Variants in USP13 observed in about 807,000 individuals in gnomAD.
USP13 encodes ubiquitin specific peptidase 13, also known as ubiquitin carboxyl-terminal hydrolase 13.
A neutral mutation model predicts 107.8 loss-of-function variants in USP13; 68 were observed. The ratio of observed to expected loss-of-function variants is 0.63; its 90% CI spans 0.52 to 0.77. USP13 has a LOEUF of 0.77. USP13 is among the 30% of genes least tolerant of loss of function. USP13 has a pLI of 0.00. For missense variants in USP13, 945 were observed against 1,093.3 expected (o/e 0.86, Z 1.91); for synonymous variants, 377 against 389.5 (o/e 0.97, Z 0.38).
intron 4 of USP13, among the ~76,000 whole-genome samples, chr3:179,701,743 T>C (rs1268232025): frequency 6.6e-6 from 1 of 152,196 alleles, no homozygotes; most frequent in Non-Finnish European, 1.5e-5. Flanking sequence ...AGCTGTGAGC[T>C]TCCCCCTTCC....
chr3:179,702,427 T>A (rs1295807495), intron 4 of USP13, among the ~76,000 whole-genome samples: 2 of 152,208 alleles, frequency 1.3e-5, no homozygotes, highest in African/African-American at 4.8e-5. Flanking sequence ...ACATGCCTGT[T>A]CATTTTTTCC....
At chr3:179,740,419 G>C (rs1007517996) in intron 11 of USP13, 47 bp downstream of exon 11, 1 of 1,612,128 alleles carries the variant, frequency 6.2e-7, no homozygotes, top group Non-Finnish European at 8.5e-7. Flanking sequence ...GTAAGAGGGT[G>C]CCGAGCCACT....
intron 6 of USP13, among the ~76,000 whole-genome samples, chr3:179,716,498 G>T (rs769257368): frequency 6.6e-6 from 1 of 152,124 alleles, no homozygotes; most frequent in Admixed American, 6.5e-5. Flanking sequence ...ACATGTATTT[G>T]GTATTTAGTT....
intron 6 of USP13, among the ~76,000 whole-genome samples, chr3:179,717,111 C>T (rs1560060218): frequency 6.6e-6 from 1 of 152,098 alleles, no homozygotes; most frequent in African/African-American, 2.4e-5. Flanking sequence ...AGCTGGGGAG[C>T]GTGATGGATA....
intron 6 of USP13, 75 bp downstream of exon 6, chr3:179,709,032 G>A (rs1050996482): frequency 4.6e-6 from 7 of 1,518,704 alleles, no homozygotes; most frequent in Middle Eastern, 1.8e-4. Context: ...GAATCCAGGT[G>A]GTTGGAAGGT....
intron 1 of USP13, among the ~76,000 whole-genome samples, chr3:179,671,039 G>A (rs1281275689): frequency 1.3e-5 from 2 of 151,926 alleles, no homozygotes; most frequent in African/African-American, 4.8e-5. Context: ...GATCACTTGA[G>A]ATCTGGAGTT....
At chr3:179,749,193 G>A (rs2108521300) in intron 13 of USP13, among the ~76,000 whole-genome samples, 1 of 152,030 alleles carries the variant, frequency 6.6e-6, no homozygotes, top group South Asian at 2.1e-4. Context: ...AATCTTTATC[G>A]TATTTTTGCC....
At chr3:179,723,802 C>T (rs181889666) in intron 8 of USP13, among the ~76,000 whole-genome samples, 10 of 152,236 alleles carry the variant, frequency 6.6e-5, no homozygotes, top group Admixed American at 3.9e-4. Flanking sequence ...TTTTCACCAG[C>T]AGGTCTAACT....
intron 2 of USP13, among the ~76,000 whole-genome samples, chr3:179,689,055 T>G (rs924747896): frequency 1.3e-5 from 2 of 152,152 alleles, no homozygotes; most frequent in African/African-American, 4.8e-5. Flanking sequence ...AGTCAACTAT[T>G]AAAATGTGAG....
intron 6 of USP13, among the ~76,000 whole-genome samples, chr3:179,716,267 C>T (rs528732908): frequency 6.6e-6 from 1 of 152,110 alleles, no homozygotes; most frequent in South Asian, 2.1e-4. Flanking sequence ...ACATCCTTAC[C>T]TCTCTCTCCC....
rs147977514 is a variant in USP13 at position 179,734,883 on chromosome 3, C to T, written c.1254+4174C>T. 2.7e-3 allele frequency among the ~76,000 whole-genome samples: 414 copies of T among 152,300 alleles called. 2 individuals are homozygous for T. Among genetic ancestry groups the T allele is most frequent in the African/African-American group, 9.6e-3 (398 of 41,560 alleles). On this transcript the variant is annotated intron_variant, in intron 10 of 20. Transcript: ENST00000263966. ...AGTATTGCTGTGATGTGATAAAAGC[C>T]TCAGTCTTGCTGCTTGCTTATTAAT...
At chr3:179,733,452 C>G (rs928365852) in intron 10 of USP13, among the ~76,000 whole-genome samples, 16 of 152,190 alleles carry the variant, frequency 1.1e-4, no homozygotes, top group Admixed American at 9.8e-4. Flanking sequence ...CTTTCCTTGA[C>G]AGTAGAAGGA....
rs1283890062 is a variant in USP13, at chr3:179,788,715, G to A, written c.*4574G>A. 1.3e-5 allele frequency: 2 copies of A among 151,848 alleles called. No homozygotes were observed. The highest frequency in any genetic ancestry group is 2.9e-5 in the Non-Finnish European group (2 of 67,982). The allele number at this position is 151,848 out of a possible 1,614,324, so 9.4% of individuals were successfully genotyped here. On this transcript the variant is annotated 3_prime_UTR_variant, in exon 21 of 21. Coordinates refer to ENST00000263966, the MANE Select transcript of USP13 (RefSeq NM_003940.3). ...CTAAAGAACTTCAAATTAGACATGT[G>A]GATAACGTTATACTTCTATTGGACA...
In USP13 at chr3:179,721,542, C is replaced by T; in HGVS notation, c.1041C>T (p.Leu347=). The change falls in exon 8 of 21, where the codon CTC becomes CTT. Residue 347 remains leucine (L), a synonymous_variant. Transcript: ENST00000263966. The surrounding 1 kb of genome is among the most constrained non-coding windows in gnomAD (Gnocchi z 4.3). Reference sequence around the variant, plus strand: ...AGAACCTGGGCAACAGCTGCTATCTCAGCTCTGTCATGCAGGCCATCTTCA... The same window carrying T: ...AGAACCTGGGCAACAGCTGCTATCTTAGCTCTGTCATGCAGGCCATCTTCA... ...GLKNLGNSCY[L]SSVMQAIFSI... is the part of the protein sequence containing the mutation. The T allele has an allele frequency of 1.2e-6, 2 of 1,614,058 alleles. No individual in the cohort carries two copies. Among genetic ancestry groups the T allele is most frequent in the Non-Finnish European group, 1.7e-6 (2 of 1,180,036 alleles).
At chr3:179,690,218 A>G in intron 2 of USP13, 23 bp from the exon 3 acceptor site, 1 of 1,610,016 alleles carries the variant, frequency 6.2e-7, no homozygotes, top group South Asian at 1.1e-5. Context: ...CCGCATTTTA[A>G]TGATCTTTTG....
chr3:179,747,432 G>A (rs1209309572), intron 13 of USP13, among the ~76,000 whole-genome samples: 1 of 152,204 alleles, frequency 6.6e-6, no homozygotes, highest in African/African-American at 2.4e-5. Context: ...TCAGGTGTGA[G>A]CTGCCGACTG....
Position 179,657,388 on chromosome 3 carries a change from C to T in USP13, c.168+3995C>T, listed in dbSNP as rs537817624. On this transcript the variant is annotated intron_variant, in intron 1 of 20. Transcript: ENST00000263966. Reference sequence around the variant, plus strand: ...CAGCCTGGGCAACAGAGTGAGACTCCGTCTCAAAAAAATAAAATAAAATAA... The same window carrying T: ...CAGCCTGGGCAACAGAGTGAGACTCTGTCTCAAAAAAATAAAATAAAATAA... 3.1e-4 allele frequency among the ~76,000 whole-genome samples: 46 copies of T among 147,424 alleles called. 1 individual carries two copies. In the South Asian group the frequency reaches 3.5e-3, roughly 11 times the overall value.
Position 179,750,298 on chromosome 3 carries a change from GTGTGTGTATATATATATATATA to G in USP13, c.1710-1963_1710-1942del, listed in dbSNP as rs551310086. Among the ~76,000 whole-genome samples the G allele has an allele frequency of 5.6e-3, 563 of 100,418 alleles. 13 individuals carry two copies. In the East Asian group the frequency reaches 0.084, roughly 15 times the overall value. The allele number at this position is 100,418 out of a possible 152,430, so 65.9% of individuals were successfully genotyped here. A position where few individuals can be genotyped will look rare whatever the true frequency, so the allele number is the denominator to read the frequency against. ...TAATAATAATAATAAATATATATATGTGTGTGTATATATATATATATATGTGTGTATATATATATATATATAT... is the reference window on the plus strand; with the variant it reads ...TAATAATAATAATAAATATATATATGTGTGTGTATATATATATATATATAT... On this transcript the variant is annotated intron_variant, in intron 13 of 20. Coordinates refer to ENST00000263966, the MANE Select transcript of USP13 (RefSeq NM_003940.3).
At chr3:179,697,128 T>C (rs1477282952) in intron 3 of USP13, among the ~76,000 whole-genome samples, 1 of 152,076 alleles carries the variant, frequency 6.6e-6, no homozygotes, top group East Asian at 1.9e-4. Context: ...AAATTCCACT[T>C]TTTTTTGGCT....
Sources: gnomAD v4.1 joint callset for allele counts (sites outside exome capture counted in the v4.1 genomes callset) on GRCh38, gnomAD v4.1.1 for gene constraint, Gnocchi (gnomAD v3.1) non-coding constraint, MANE v1.5 for transcripts, NCBI Gene and HGNC (gene_info 2026-07-23, HGNC 2026-07-21) for gene names.